PIEZO2: variants seen among roughly 807,000 people sequenced by gnomAD.
The protein encoded by PIEZO2 is piezo-type mechanosensitive ion channel component 2.
In PIEZO2, 172 loss-of-function variants were observed where a neutral mutation model predicts 337.3. The ratio of observed to expected loss-of-function variants is 0.51; its 90% CI spans 0.45 to 0.58. The LOEUF (loss-of-function observed/expected upper bound fraction) is 0.58. Ranked by LOEUF, PIEZO2 falls within the 20% of genes least tolerant of loss-of-function variation. The pLI is 0.00. For synonymous variants in PIEZO2, 1,251 were observed against 1,228.5 expected (o/e 1.02, Z -0.38); for missense variants, 3,028 against 3,391.3 (o/e 0.89, Z 2.66).
rs1407419089 is a variant in PIEZO2 at position 10,762,818 on chromosome 18, C to G, written c.3123+104G>C. The G allele has an allele frequency of 3.9e-5, 54 of 1,391,602 alleles. No individual in the cohort carries two copies. The East Asian group carries it at 1.3e-3, about 35-fold the overall frequency. 86.2% of individuals were successfully genotyped at this position (1,391,602 alleles called of 1,614,324 possible). ...CGACCAGCCAGGGAGAGGTGACTTACAAGCCAGGTCAGGCCAAATGTGCTT... is the reference window on the plus strand; with the variant it reads ...CGACCAGCCAGGGAGAGGTGACTTAGAAGCCAGGTCAGGCCAAATGTGCTT... On this transcript the variant is annotated intron_variant, in intron 22 of 55. Transcript: ENST00000674853.
Position 10,895,206 on chromosome 18 carries a change from G to A in PIEZO2, c.329+15980C>T, listed in dbSNP as rs2042862390. Among the ~76,000 whole-genome samples, 1 of 152,166 alleles carries A rather than the reference G, an allele frequency of 6.6e-6. No homozygotes were observed. The highest frequency in any genetic ancestry group is 6.5e-5 in the Admixed American group (1 of 15,280). On this transcript the variant is annotated intron_variant, in intron 4 of 55. Coordinates refer to ENST00000674853, the MANE Select transcript of PIEZO2 (RefSeq NM_001378183.1). This position sits in a 1 kb window ranked among gnomAD's most constrained non-coding sequence, Gnocchi z 4.8. ...CATGCCTGTAATCCCAGCATTTTGG[G>A]AGGCCAAGGTGGGTGGATCACTTGA...
Position 10,919,083 on chromosome 18 carries a change from C to G in PIEZO2, c.287-7855G>C, listed in dbSNP as rs139394512. On this transcript the variant is annotated intron_variant, in intron 3 of 55. Coordinates refer to ENST00000674853, the MANE Select transcript of PIEZO2 (RefSeq NM_001378183.1). ...ACACAGAGTTGAGTTTTTTATAAAT[C>G]TTTTTTATCTTTTACAAAACATTTT... 3.8e-3 allele frequency among the ~76,000 whole-genome samples: 582 copies of G among 151,894 alleles called. 6 individuals carry two copies. The highest frequency in any genetic ancestry group is 0.014 in the African/African-American group (566 of 41,442).
In PIEZO2 at chr18:10,727,167, C is replaced by T; in HGVS notation, c.5029+4240G>A. Reference sequence around the variant, plus strand: ...CAGCATGTCTGGCAAACTGAGTCGCCCTCCTGCCTCCAGCTCTGTGTTGAG... The same window carrying T: ...CAGCATGTCTGGCAAACTGAGTCGCTCTCCTGCCTCCAGCTCTGTGTTGAG... On this transcript the variant is annotated intron_variant, in intron 36 of 55. Transcript: ENST00000674853. This position sits in a 1 kb window ranked among gnomAD's most constrained non-coding sequence, Gnocchi z 6.3. 1 of 402,778 alleles carries T rather than the reference C, an allele frequency of 2.5e-6. No homozygotes were observed. Among genetic ancestry groups the T allele is most frequent in the Non-Finnish European group, 4.4e-6 (1 of 229,310 alleles). 25.0% of individuals were successfully genotyped at this position (402,778 alleles called of 1,614,324 possible). A position where few individuals can be genotyped will look rare whatever the true frequency, so the allele number is the denominator to read the frequency against.
chr18:10,725,180 A>G, intron 36 of PIEZO2: 4 of 1,534,060 alleles, frequency 2.6e-6, no homozygotes, highest in Middle Eastern at 1.7e-4. Context: ...CAGTTCATCC[A>G]TCAGGCAGTT....
chr18:10,946,125 C>T (rs2033006771), intron 3 of PIEZO2, among the ~76,000 whole-genome samples: 1 of 151,986 alleles, frequency 6.6e-6, no homozygotes, highest in South Asian at 2.1e-4. Context: ...GCTCAATGAA[C>T]CCTAGGAACA....
At chr18:10,731,378 C>G (rs2036779089) in intron 36 of PIEZO2, 29 bp downstream of exon 36, 2 of 1,482,110 alleles carry the variant, frequency 1.3e-6, no homozygotes, top group Non-Finnish European at 1.8e-6. Context: ...CCTGCCACAC[C>G]CACCACAGCC....
Position 11,073,392 on chromosome 18 carries a change from CCT to C in PIEZO2, c.65-7172_65-7171del, listed in dbSNP as rs756904283. On this transcript the variant is annotated intron_variant, in intron 1 of 55. Coordinates refer to ENST00000674853, the MANE Select transcript of PIEZO2 (RefSeq NM_001378183.1). ...GGGTTAAGGCTTGTCTTGAGCATCC[CCT>C]CTCCCTTGCTCACCCTGCGGGAAGC... Among the ~76,000 whole-genome samples the C allele has an allele frequency of 2.6e-5, 4 of 152,238 alleles. No homozygotes were observed. The East Asian group carries it at 5.8e-4, about 22-fold the overall frequency.
chr18:10,782,476 T>C (rs1025092964), intron 17 of PIEZO2, among the ~76,000 whole-genome samples: 9 of 127,888 alleles, frequency 7.0e-5, no homozygotes, highest in African/African-American at 2.7e-4. Flanking sequence ...TTAAATAATA[T>C]ATATTATATT....
chr18:10,728,805 A>T (rs1459528764), intron 36 of PIEZO2, among the ~76,000 whole-genome samples: 2 of 152,050 alleles, frequency 1.3e-5, no homozygotes, highest in African/African-American at 4.8e-5. Context: ...AGTACAAAAA[A>T]TTAGCTGGGC....
At position 10,741,060 on chromosome 18, in the gene PIEZO2, C is replaced by T; in HGVS notation, c.4679G>A (p.Trp1560Ter). The change falls in exon 33 of 56, where the codon TGG (tryptophan) becomes TAG (stop). Residue 1560 changes from tryptophan (W) to a stop codon, truncating the protein, a stop_gained. Coordinates refer to ENST00000674853, the MANE Select transcript of PIEZO2 (RefSeq NM_001378183.1). LOFTEE classifies it high-confidence loss of function. ...KQKAKGKKKQ[W>*]WRPWVDHASM... ...AGCATGATCAACCCAAGGCCGCCAC[C>T]ACTGCTTTTTTTTGCCCTTGGCTTT... is the stretch of plus-strand genomic sequence containing the variant. 2.0e-6 allele frequency: 3 copies of T among 1,537,188 alleles called. No individual in the cohort carries two copies. Among genetic ancestry groups the T allele is most frequent in the Non-Finnish European group, 2.6e-6 (3 of 1,146,880 alleles).
rs531418081 is a variant in PIEZO2, at chr18:10,815,019, T to C, written c.918-7745A>G. Among the ~76,000 whole-genome samples, 2 of 152,286 alleles carry C rather than the reference T, an allele frequency of 1.3e-5. No homozygotes were observed. Among genetic ancestry groups the C allele is most frequent in the East Asian group, 1.9e-4 (1 of 5,176 alleles). On this transcript the variant is annotated intron_variant, in intron 7 of 55. Transcript: ENST00000674853. The surrounding 1 kb of genome is among the most constrained non-coding windows in gnomAD (Gnocchi z 4.1). ...GGGGATTTAATTCTTTAAGTAGACA[T>C]AGGTGCCCTGCAGCAGCTTATAAAA...
chr18:11,134,239 G>A (rs1380499329), intron 1 of PIEZO2, among the ~76,000 whole-genome samples: 2 of 152,208 alleles, frequency 1.3e-5, no homozygotes, highest in Non-Finnish European at 2.9e-5. Context: ...TCCCTTGTTG[G>A]TTTTCCACTA....
intron 4 of PIEZO2, among the ~76,000 whole-genome samples, chr18:10,884,063 G>C (rs142836738): frequency 6.6e-6 from 1 of 151,888 alleles, no homozygotes; most frequent in African/African-American, 2.4e-5. Context: ...CACCCACCTC[G>C]GCCTCCCAAA....
In PIEZO2 at chr18:10,704,278, T is replaced by G; in HGVS notation, c.6258+116A>C. 6 of 1,334,436 alleles carry G rather than the reference T, an allele frequency of 4.5e-6. No homozygotes were observed. The South Asian group carries it at 7.6e-5, about 17-fold the overall frequency. The allele number at this position is 1,334,436 out of a possible 1,614,324, so 82.7% of individuals were successfully genotyped here. On this transcript the variant is annotated intron_variant, in intron 42 of 55. Transcript: ENST00000674853. The stretch of plus-strand genomic sequence containing the variant: ...TGTCTGTGGAACTGCATGTTCCATG[T>G]GAAACTGTCTGGGATCAGGGCAGGC...
At position 10,835,743 on chromosome 18, in the gene PIEZO2, C is replaced by A. The variant is rs559304843; in HGVS notation, c.917+19610G>T. On this transcript the variant is annotated intron_variant, in intron 7 of 55. Coordinates refer to ENST00000674853, the MANE Select transcript of PIEZO2 (RefSeq NM_001378183.1). ...ATTTTTAGTAGAGATGGGATTTCGC[C>A]ATGTTGGCCAGGCTGGTCTCGAACT... 1.1e-4 allele frequency among the ~76,000 whole-genome samples: 16 copies of A among 152,300 alleles called. No individual in the cohort carries two copies. In the East Asian group the frequency reaches 3.1e-3, roughly 29 times the overall value.
In PIEZO2 at chr18:10,794,359, C is replaced by G. The variant is rs2039506596; in HGVS notation, c.1758+413G>C. Among the ~76,000 whole-genome samples, 1 of 152,102 alleles carries G rather than the reference C, an allele frequency of 6.6e-6. No homozygotes were observed. The highest frequency in any genetic ancestry group is 2.4e-5 in the African/African-American group (1 of 41,416). On this transcript the variant is annotated intron_variant, in intron 13 of 55. Coordinates refer to ENST00000674853, the MANE Select transcript of PIEZO2 (RefSeq NM_001378183.1). This position sits in a 1 kb window ranked among gnomAD's most constrained non-coding sequence, Gnocchi z 6.6. ...TTAGGAAAGAATTGGAGAAAAACGT[C>G]ATGAATAATCAATACTTATCTGTGA...
chr18:11,136,202 G>C (rs1046639678), intron 1 of PIEZO2, among the ~76,000 whole-genome samples: 1 of 152,216 alleles, frequency 6.6e-6, no homozygotes, highest in Non-Finnish European at 1.5e-5. Flanking sequence ...GGGGGCATCC[G>C]GCACTGGGTC....
intron 27 of PIEZO2, among the ~76,000 whole-genome samples, chr18:10,753,882 C>A (rs977481498): frequency 8.6e-5 from 13 of 151,882 alleles, no homozygotes; most frequent in Admixed American, 8.5e-4. Flanking sequence ...TACATAAAAC[C>A]CTTCCTTGAC....
chr18:10,724,925 G>A lies in PIEZO2; in HGVS notation c.5029+6482C>T. On this transcript the variant is annotated intron_variant, in intron 36 of 55. Coordinates refer to ENST00000674853, the MANE Select transcript of PIEZO2 (RefSeq NM_001378183.1). This position sits in a 1 kb window ranked among gnomAD's most constrained non-coding sequence, Gnocchi z 5.8. ...GGCACCCTGGGACAGCCTCCACCTG[G>A]ACGGCGATGGAACCCAGGTGGGCGC... 1 of 1,605,924 alleles carries A rather than the reference G, an allele frequency of 6.2e-7. No individual in the cohort carries two copies. Among genetic ancestry groups the A allele is most frequent in the South Asian group, 1.1e-5 (1 of 90,466 alleles).
Sources: gnomAD v4.1 joint callset for allele counts (sites outside exome capture counted in the v4.1 genomes callset) on GRCh38, gnomAD v4.1.1 for gene constraint, Gnocchi (gnomAD v3.1) non-coding constraint, MANE v1.5 for transcripts, NCBI Gene and HGNC (gene_info 2026-07-23, HGNC 2026-07-21) for gene names.